NAALADL2: variants seen among roughly 807,000 people sequenced by gnomAD.
NAALADL2 encodes the protein inactive N-acetylated-alpha-linked acidic dipeptidase-like protein 2.
In NAALADL2, 76 loss-of-function variants were observed where a neutral mutation model predicts 87.2. That is an observed-to-expected ratio of 0.87 (90% CI 0.72 to 1.05). The LOEUF is 1.05. NAALADL2 is among the 50% of genes least tolerant of loss of function. The probability of loss-of-function intolerance (pLI) is 0.00; values close to 1 mark genes in which losing one functional copy is unlikely to be tolerated. For missense variants in NAALADL2, 1,089 were observed against 945.8 expected (o/e 1.15, Z -1.99); for synonymous variants, 354 against 331.0 (o/e 1.07, Z -0.75).
intron 2 of NAALADL2, among the ~76,000 whole-genome samples, chr3:175,190,122 A>G (rs1737925187): frequency 6.6e-6 from 1 of 151,570 alleles, no homozygotes; most frequent in Non-Finnish European, 1.5e-5. Flanking sequence ...TACATAGGGG[A>G]AAAGCTCATT....
chr3:175,342,754 T>C (rs1762699696), intron 5 of NAALADL2, among the ~76,000 whole-genome samples: 1 of 152,158 alleles, frequency 6.6e-6, no homozygotes, highest in Non-Finnish European at 1.5e-5. Context: ...CTTCCTTTTA[T>C]GTTTCTTTGT....
intron 3 of NAALADL2, among the ~76,000 whole-genome samples, chr3:175,245,211 T>G (rs895247245): frequency 1.3e-5 from 2 of 152,186 alleles, no homozygotes; most frequent in Admixed American, 6.5e-5. Context: ...TATGTTATAT[T>G]TTTAAATGTT....
At chr3:175,584,396 G>A (rs1265286585) in intron 10 of NAALADL2, among the ~76,000 whole-genome samples, 1 of 146,142 alleles carries the variant, frequency 6.8e-6, no homozygotes, top group Non-Finnish European at 1.5e-5. Flanking sequence ...AAGAAAACTG[G>A]CCAAGGTCAC....
At chr3:175,237,819 A>G (rs569209964) in intron 3 of NAALADL2, among the ~76,000 whole-genome samples, 2 of 152,260 alleles carry the variant, frequency 1.3e-5, no homozygotes, top group East Asian at 3.9e-4. Flanking sequence ...CTATTACAGC[A>G]TATGGGACAA....
intron 1 of NAALADL2, among the ~76,000 whole-genome samples, chr3:175,080,771 C>T (rs932207376): frequency 6.6e-6 from 1 of 152,146 alleles, no homozygotes; most frequent in Non-Finnish European, 1.5e-5. Context: ...GGTCCAGTGC[C>T]TAGTAAATAT....
At chr3:174,857,140 C>T (rs1282122560), upstream of NAALADL2, among the ~76,000 whole-genome samples, 2 of 152,078 alleles carry the variant, frequency 1.3e-5, no homozygotes, top group Non-Finnish European at 2.9e-5. Context: ...ACAAGAATTT[C>T]TGCATATGAA....
intron 2 of NAALADL2, among the ~76,000 whole-genome samples, chr3:175,205,428 C>G (rs894045683): frequency 3.3e-5 from 5 of 152,116 alleles, no homozygotes; most frequent in African/African-American, 1.2e-4. Flanking sequence ...AATTTCTCAC[C>G]TTATACAAAA....
At chr3:175,452,097 T>C (rs914409885) in intron 6 of NAALADL2, among the ~76,000 whole-genome samples, 6 of 152,308 alleles carry the variant, frequency 3.9e-5, no homozygotes, top group South Asian at 4.1e-4. Context: ...AAAGGAAATG[T>C]TAGTACAATT....
intron 2 of NAALADL2, among the ~76,000 whole-genome samples, chr3:174,607,201 G>A (rs547814511): frequency 4.6e-5 from 7 of 151,916 alleles, no homozygotes; most frequent in South Asian, 2.1e-4. Context: ...GGTACCAGCC[G>A]CTGCAAAATC....
chr3:175,685,416 C>T (rs971172807), intron 11 of NAALADL2, among the ~76,000 whole-genome samples: 1 of 150,610 alleles, frequency 6.6e-6, no homozygotes, highest in Non-Finnish European at 1.5e-5. Context: ...CACATGGTGT[C>T]TTAGTGTTCT....
At chr3:175,367,881 T>C (rs548215280) in intron 5 of NAALADL2, among the ~76,000 whole-genome samples, 1 of 152,274 alleles carries the variant, frequency 6.6e-6, no homozygotes, top group East Asian at 1.9e-4. Flanking sequence ...GGCCAGAACT[T>C]CCAACACTAT....
At chr3:174,742,304 A>G (rs989918716) in intron 3 of NAALADL2, among the ~76,000 whole-genome samples, 6 of 151,696 alleles carry the variant, frequency 4.0e-5, no homozygotes, top group Non-Finnish European at 8.9e-5. Flanking sequence ...ATACAAAAAC[A>G]TTACAATACA....
At chr3:174,654,866 T>G (rs563109244) in intron 2 of NAALADL2, among the ~76,000 whole-genome samples, 366 of 152,110 alleles carry the variant, frequency 2.4e-3, no homozygotes, top group Non-Finnish European at 4.4e-3. Context: ...CTCCTGAGTA[T>G]CTGGGACTAC....
intron 4 of NAALADL2, among the ~76,000 whole-genome samples, chr3:175,262,328 G>A (rs975369552): frequency 1.3e-5 from 2 of 151,896 alleles, no homozygotes; most frequent in Non-Finnish European, 2.9e-5. Flanking sequence ...TTTCCCTTAA[G>A]AACATTTGTT....
At chr3:174,742,558 CA>C (rs1386982795) in intron 3 of NAALADL2, among the ~76,000 whole-genome samples, 2 of 151,388 alleles carry the variant, frequency 1.3e-5, no homozygotes, top group African/African-American at 4.8e-5. Flanking sequence ...ATTTAAAGCA[CA>C]AAAAAGAGTA....
At chr3:174,832,741 C>G (rs1722876910) in intron 3 of NAALADL2, among the ~76,000 whole-genome samples, 1 of 152,152 alleles carries the variant, frequency 6.6e-6, no homozygotes, top group Non-Finnish European at 1.5e-5. Flanking sequence ...GCTGGGATTA[C>G]AGGCGTGAGC....
At chr3:174,918,335 C>T (rs556151042) in intron 1 of NAALADL2, among the ~76,000 whole-genome samples, 1 of 152,116 alleles carries the variant, frequency 6.6e-6, no homozygotes, top group African/African-American at 2.4e-5. Flanking sequence ...AGCCCCTCTG[C>T]TTACTCTTGG....
At chr3:175,751,831 T>C (rs1395301670) in intron 12 of NAALADL2, among the ~76,000 whole-genome samples, 1 of 152,124 alleles carries the variant, frequency 6.6e-6, no homozygotes, top group Non-Finnish European at 1.5e-5. Context: ...GTGCCTTAAG[T>C]AAAGTTTTAT....
intron 2 of NAALADL2, chr3:174,551,158 T>G (rs1254406806): frequency 6.6e-6 from 1 of 152,188 alleles, no homozygotes; most frequent in Admixed American, 6.5e-5. Flanking sequence ...AAACATTATA[T>G]GCTTTCTTTG....
Sources: allele counts gnomAD v4.1 joint callset (sites outside exome capture counted in the v4.1 genomes callset), GRCh38; gene constraint gnomAD v4.1.1; transcripts MANE v1.5; gene names NCBI Gene and HGNC (gene_info 2026-07-23, HGNC 2026-07-21).